RBMS2: variants seen among roughly 807,000 people sequenced by gnomAD.
RBMS2 encodes RNA-binding motif, single-stranded-interacting protein 2.
In RBMS2, 38 loss-of-function variants were observed where a neutral mutation model predicts 58.4. The ratio of observed to expected loss-of-function variants is 0.65; its 90% CI spans 0.50 to 0.85. RBMS2 has a LOEUF of 0.85. Among genes scored for constraint, RBMS2 ranks in the 40% least tolerant of loss-of-function variants. RBMS2 has a pLI of 0.00. For synonymous variants in RBMS2, 151 were observed against 180.7 expected (o/e 0.84, Z 1.32); for missense variants, 367 against 503.7 (o/e 0.73, Z 2.60).
intron 1 of RBMS2, among the ~76,000 whole-genome samples, chr12:56,542,644 G>T (rs1024905157): frequency 2.0e-5 from 3 of 150,158 alleles, no homozygotes; most frequent in Admixed American, 6.7e-5. Context: ...AACCTCCTCG[G>T]CTCAAGTGAT....
intron 5 of RBMS2, chr12:56,573,192 C>T (rs1355816105): frequency 1.0e-6 from 1 of 982,896 alleles, no homozygotes; most frequent in Non-Finnish European, 1.2e-6. Flanking sequence ...AATAGTTTCT[C>T]TTGGCTGGGC....
chr12:56,570,604 G>A lies in RBMS2; in HGVS notation c.384+614G>A, dbSNP rs1453982088. Among the ~76,000 whole-genome samples, 6 of 152,232 alleles carry A rather than the reference G, an allele frequency of 3.9e-5. No individual in the cohort carries two copies. In the East Asian group the frequency reaches 5.8e-4, roughly 15 times the overall value. Reference sequence around the variant, plus strand: ...ATTTATTTATTTATTTTGAGACAGCGTCTCGCTCTGTCGCCCCGGCTGGAG... The same window carrying A: ...ATTTATTTATTTATTTTGAGACAGCATCTCGCTCTGTCGCCCCGGCTGGAG... On this transcript the variant is annotated intron_variant, in intron 4 of 13. Coordinates refer to ENST00000262031, the MANE Select transcript of RBMS2 (RefSeq NM_002898.4).
intron 9 of RBMS2, 74 bp from the exon 10 acceptor site, chr12:56,586,775 G>T: frequency 7.6e-7 from 1 of 1,313,822 alleles, no homozygotes; most frequent in Non-Finnish European, 1.1e-6. Flanking sequence ...TCTGAGCTTT[G>T]TTGAACATTA....
chr12:56,537,720 C>T (rs1565733534), intron 1 of RBMS2, among the ~76,000 whole-genome samples: 1 of 152,146 alleles, frequency 6.6e-6, no homozygotes, highest in East Asian at 1.9e-4. Flanking sequence ...GGTATATACC[C>T]AGAAGTGGAA....
intron 2 of RBMS2, among the ~76,000 whole-genome samples, chr12:56,566,126 C>A (rs1269051375): frequency 1.3e-5 from 2 of 152,162 alleles, no homozygotes; most frequent in Admixed American, 6.5e-5. Flanking sequence ...GTGTTCTGTT[C>A]CCAGCTTTCA....
At chr12:56,573,864 G>A (rs1247783487) in intron 5 of RBMS2, among the ~76,000 whole-genome samples, 1 of 151,494 alleles carries the variant, frequency 6.6e-6, no homozygotes, top group Admixed American at 6.6e-5. Context: ...TTGTTGAGAC[G>A]AAGTCTCACT....
chr12:56,530,636 A>G (rs1873565146), intron 1 of RBMS2, among the ~76,000 whole-genome samples: 1 of 152,094 alleles, frequency 6.6e-6, no homozygotes, highest in African/African-American at 2.4e-5. Context: ...CTGGGATTTC[A>G]GGCATGAGAT....
chr12:56,583,239 T>C (rs2136566812), intron 9 of RBMS2, among the ~76,000 whole-genome samples: 1 of 152,318 alleles, frequency 6.6e-6, no homozygotes, highest in South Asian at 2.1e-4. Flanking sequence ...TATATGGATT[T>C]TCAGTTTTAT....
At chr12:56,545,182 G>A (rs1264143619) in intron 1 of RBMS2, among the ~76,000 whole-genome samples, 1 of 152,028 alleles carries the variant, frequency 6.6e-6, no homozygotes, top group African/African-American at 2.4e-5. Flanking sequence ...TTCCATTCCT[G>A]AGTTACTTCA....
At chr12:56,570,044 A>G in intron 4 of RBMS2, 54 bp downstream of exon 4, 2 of 1,504,198 alleles carry the variant, frequency 1.3e-6, no homozygotes, top group Admixed American at 1.7e-5. Context: ...TTAGCACCAA[A>G]GTTCCAGTTC....
Position 56,589,143 on chromosome 12 carries a change from T to C in RBMS2, c.*10T>C. ...CTCTGGCTTGTGCCTTCTTTAGGAT[T>C]CCCCTCCCCATCTTTACTGAATAGA... On this transcript the variant is annotated 3_prime_UTR_variant, in exon 14 of 14. Coordinates refer to ENST00000262031, the MANE Select transcript of RBMS2 (RefSeq NM_002898.4). 1.9e-6 allele frequency: 3 copies of C among 1,557,024 alleles called. No homozygotes were observed. The highest frequency in any genetic ancestry group is 2.6e-6 in the Non-Finnish European group (3 of 1,149,942).
chr12:56,578,263 G>A (rs1883433940), intron 5 of RBMS2, among the ~76,000 whole-genome samples: 1 of 151,966 alleles, frequency 6.6e-6, no homozygotes, highest in Non-Finnish European at 1.5e-5. Flanking sequence ...CAAGTAGCTG[G>A]GATTACAGGT....
At chr12:56,550,971 A>T (rs1289188065) in intron 1 of RBMS2, among the ~76,000 whole-genome samples, 4 of 151,854 alleles carry the variant, frequency 2.6e-5, no homozygotes, top group Non-Finnish European at 5.9e-5. Flanking sequence ...TTTAGAAATC[A>T]GCCAGGTATG....
At chr12:56,568,826 G>A (rs372329987) in intron 2 of RBMS2, 149 bp from the exon 3 acceptor site, 20 of 665,076 alleles carry the variant, frequency 3.0e-5, no homozygotes, top group Non-Finnish European at 4.5e-5. Flanking sequence ...TACTGCACCC[G>A]GCCCCCGTTT....
chr12:56,561,581 A>T (rs2136413436), intron 1 of RBMS2, among the ~76,000 whole-genome samples: 1 of 151,770 alleles, frequency 6.6e-6, no homozygotes, highest in Non-Finnish European at 1.5e-5. Context: ...ATCTCGGCTC[A>T]CTGCAAGCTC....
intron 1 of RBMS2, among the ~76,000 whole-genome samples, chr12:56,526,044 C>T (rs555898900): frequency 2.8e-4 from 43 of 152,048 alleles, no homozygotes; most frequent in African/African-American, 8.7e-4. Flanking sequence ...TTGGTGCTCA[C>T]GCCTGTAATC....
At chr12:56,550,798 C>T (rs985713850) in intron 1 of RBMS2, among the ~76,000 whole-genome samples, 24 of 150,238 alleles carry the variant, frequency 1.6e-4, no homozygotes, top group African/African-American at 5.6e-4. Context: ...GCCGAGATTG[C>T]GCCATCGCAC....
chr12:56,530,350 CTTTTTTTTTTT>C (rs71081373), intron 1 of RBMS2, among the ~76,000 whole-genome samples: 2 of 63,774 alleles, frequency 3.1e-5, no homozygotes, highest in Non-Finnish European at 6.2e-5. Context: ...TTTCTTTTTC[CTTTTTTTTTTT>C]TTTTTTTTTT....
At chr12:56,535,146 C>T (rs181601245) in intron 1 of RBMS2, among the ~76,000 whole-genome samples, 2 of 152,164 alleles carry the variant, frequency 1.3e-5, no homozygotes, top group Admixed American at 6.6e-5. Flanking sequence ...CTTGGAGTAC[C>T]CCAGGACTCA....
Sources: allele counts gnomAD v4.1 joint callset (sites outside exome capture counted in the v4.1 genomes callset), GRCh38; gene constraint gnomAD v4.1.1; transcripts MANE v1.5; gene names NCBI Gene and HGNC (gene_info 2026-07-23, HGNC 2026-07-21).